The following IMMP2L variants were observed in gnomAD, a reference collection of about 807,000 sequenced individuals.
The protein encoded by IMMP2L is mitochondrial inner membrane protease subunit 2.
In IMMP2L, 18 loss-of-function variants were observed where a neutral mutation model predicts 19.3. The ratio of observed to expected loss-of-function variants is 0.93; its 90% CI spans 0.64 to 1.38. The LOEUF (loss-of-function observed/expected upper bound fraction) is 1.38, where lower values mean the gene tolerates loss of function less well. Among genes scored for constraint, IMMP2L ranks in the 40% most tolerant of loss-of-function variants. The pLI is 0.00. For synonymous variants in IMMP2L, 76 were observed against 73.0 expected, an observed-to-expected ratio of 1.04 and a Z score of -0.21; for missense variants, 233 against 218.2, an observed-to-expected ratio of 1.07 and a Z score of -0.43.
chr7:110,860,360 T>TATCTCTCAATACAAGA (rs1807270487), intron 5 of IMMP2L, among the ~76,000 whole-genome samples: 1 of 152,164 alleles, frequency 6.6e-6, no homozygotes, highest in Non-Finnish European at 1.5e-5. Flanking sequence ...GATATCTCTG[T>TATCTCTCAATACAAGA]ATGTAGTACA....
intron 5 of IMMP2L, among the ~76,000 whole-genome samples, chr7:110,882,628 G>A (rs181977972): frequency 3.3e-5 from 5 of 151,910 alleles, no homozygotes; most frequent in Non-Finnish European, 4.4e-5. Context: ...TGATCCACCC[G>A]CCTCGGCTTC....
intron 3 of IMMP2L, among the ~76,000 whole-genome samples, chr7:111,426,348 T>G (rs1251661839): frequency 6.7e-6 from 1 of 150,236 alleles, no homozygotes; most frequent in Non-Finnish European, 1.5e-5. Context: ...CACAGCAACA[T>G]GTATTTCATT....
chr7:111,003,904 A>T (rs1824002244), intron 3 of IMMP2L, among the ~76,000 whole-genome samples: 1 of 152,172 alleles, frequency 6.6e-6, no homozygotes, highest in East Asian at 1.9e-4. Context: ...CTTAAAACAA[A>T]TTTTTTTAAA....
intron 4 of IMMP2L, among the ~76,000 whole-genome samples, chr7:110,942,380 T>C (rs2129553127): frequency 6.6e-6 from 1 of 152,056 alleles, no homozygotes; most frequent in South Asian, 2.1e-4. Flanking sequence ...CTTGGCTTAA[T>C]TAGCTTTCTT....
intron 3 of IMMP2L, among the ~76,000 whole-genome samples, chr7:111,228,511 G>C (rs1813349861): frequency 6.6e-6 from 1 of 151,194 alleles, no homozygotes; most frequent in African/African-American, 2.4e-5. Flanking sequence ...CTTCCTGATG[G>C]TCCTTGAGAC....
chr7:111,343,569 C>T (rs919525674), intron 3 of IMMP2L, among the ~76,000 whole-genome samples: 1 of 152,092 alleles, frequency 6.6e-6, no homozygotes, highest in African/African-American at 2.4e-5. Context: ...TGTAATGTCC[C>T]GTCTTCTCCA....
chr7:110,925,421 T>C (rs115228166), intron 4 of IMMP2L, among the ~76,000 whole-genome samples: 2,149 of 152,230 alleles, frequency 0.014, 47 homozygotes, highest in African/African-American at 0.047. Flanking sequence ...CACTTGTTTT[T>C]ATAACTTAAA....
chr7:111,231,522 C>T (rs534797517), intron 3 of IMMP2L, among the ~76,000 whole-genome samples: 73 of 152,082 alleles, frequency 4.8e-4, no homozygotes, highest in African/African-American at 1.6e-3. Flanking sequence ...CCTGCTTGCT[C>T]ATTCTAAAGT....
At chr7:110,725,586 A>G (rs1203393983) in intron 5 of IMMP2L, 2 of 152,172 alleles carry the variant, frequency 1.3e-5, no homozygotes, top group East Asian at 3.8e-4. Flanking sequence ...ATAAGAGGGG[A>G]AAGAACTAAC....
intron 3 of IMMP2L, among the ~76,000 whole-genome samples, chr7:111,409,380 CAT>C (rs1834174778): frequency 6.6e-6 from 1 of 151,590 alleles, no homozygotes; most frequent in Non-Finnish European, 1.5e-5. Flanking sequence ...CCATGGATAA[CAT>C]ATAACCATGA....
chr7:110,982,898 T>C (rs893461335), intron 3 of IMMP2L, among the ~76,000 whole-genome samples: 1 of 152,084 alleles, frequency 6.6e-6, no homozygotes, highest in Admixed American at 6.6e-5. Context: ...AATCACATGA[T>C]AGAACCATTA....
At chr7:110,955,840 A>C (rs1818300210) in intron 4 of IMMP2L, among the ~76,000 whole-genome samples, 1 of 149,416 alleles carries the variant, frequency 6.7e-6, no homozygotes, top group African/African-American at 2.6e-5. Flanking sequence ...ATCTACCAAA[A>C]AATGACATAA....
chr7:110,832,533 C>CT (rs2131390120), intron 5 of IMMP2L, among the ~76,000 whole-genome samples: 1 of 152,162 alleles, frequency 6.6e-6, no homozygotes, highest in African/African-American at 2.4e-5. Context: ...TGCTTCCTAG[C>CT]TTTTCTGTAG....
At chr7:111,340,515 C>T (rs1040378072) in intron 3 of IMMP2L, among the ~76,000 whole-genome samples, 3 of 151,956 alleles carry the variant, frequency 2.0e-5, no homozygotes, top group African/African-American at 7.2e-5. Flanking sequence ...AAATATAGAA[C>T]ATAATAGAAC....
chr7:111,289,677 C>A (rs1022085028), intron 3 of IMMP2L, among the ~76,000 whole-genome samples: 8 of 151,926 alleles, frequency 5.3e-5, no homozygotes, highest in African/African-American at 1.9e-4. Context: ...AAACTTTATA[C>A]CTACTGTTCT....
chr7:111,177,436 C>T (rs1366123335), intron 3 of IMMP2L, among the ~76,000 whole-genome samples: 1 of 152,190 alleles, frequency 6.6e-6, no homozygotes, highest in East Asian at 1.9e-4. Flanking sequence ...CTGCCTCAGG[C>T]TCCAAAAGTG....
rs1848245142 is a variant in IMMP2L, at chr7:111,539,202, GAAAGAAAGAAAGAAA to G, written c.-2-17768_-2-17754del. ...AAGGAAGGAAGGAAGGAGGGAGAAA[GAAAGAAAGAAAGAAA>G]GAAAGAAAGAAAGAAAGAAAGAAAG... On this transcript the variant is annotated intron_variant, in intron 1 of 5. Transcript: ENST00000405709. 1.3e-3 allele frequency among the ~76,000 whole-genome samples: 8 copies of G among 6,196 alleles called. 1 individual carries two copies. The highest frequency in any genetic ancestry group is 0.012 in the Admixed American group (6 of 504). 4.1% of individuals were successfully genotyped at this position (6,196 alleles called of 152,430 possible).
At chr7:110,951,919 G>T (rs990093426) in intron 4 of IMMP2L, among the ~76,000 whole-genome samples, 2 of 151,982 alleles carry the variant, frequency 1.3e-5, no homozygotes, top group Non-Finnish European at 2.9e-5. Context: ...CCCGGTCAAC[G>T]TTAAGTTAAA....
At position 111,048,165 on chromosome 7, in the gene IMMP2L, G is replaced by A. The variant is rs533409897; in HGVS notation, c.240-84600C>T. On this transcript the variant is annotated intron_variant, in intron 3 of 5. Transcript: ENST00000405709. ...TGAGGCAGGAGAATGGCGTGAACCCGGGAGGCAGAGCTTGCACTGAGCCGA... is the reference window on the plus strand; with the variant it reads ...TGAGGCAGGAGAATGGCGTGAACCCAGGAGGCAGAGCTTGCACTGAGCCGA... 1.4e-4 allele frequency among the ~76,000 whole-genome samples: 20 copies of A among 147,550 alleles called. No homozygotes were observed. The East Asian group carries it at 1.4e-3, about 10-fold the overall frequency.
Sources: gnomAD v4.1 joint callset for allele counts (sites outside exome capture counted in the v4.1 genomes callset) on GRCh38, gnomAD v4.1.1 for gene constraint, MANE v1.5 for transcripts, NCBI Gene and HGNC (gene_info 2026-07-23, HGNC 2026-07-21) for gene names.